The following ANKMY1 variants were observed in gnomAD, a reference collection of about 807,000 sequenced individuals.
ANKMY1 encodes the protein ankyrin repeat and MYND domain containing 1.
Under a neutral mutation model 102.0 loss-of-function variants are expected in ANKMY1, and 98 were observed. The observed-to-expected ratio is 0.96, with a 90% CI of 0.82 to 1.14. ANKMY1 has a LOEUF of 1.14. Ranked by LOEUF, ANKMY1 falls within the 50% of genes most tolerant of loss-of-function variation. ANKMY1 has a pLI of 0.00. For synonymous variants in ANKMY1, 582 were observed against 559.9 expected (o/e 1.04, Z -0.56); for missense variants, 1,330 against 1,347.6 (o/e 0.99, Z 0.20).
the ANKMY1 span, among the ~76,000 whole-genome samples, chr2:240,472,488 CCA>C: frequency 2.0e-5 from 3 of 152,226 alleles, no homozygotes; most frequent in African/African-American, 7.2e-5. Flanking sequence ...CTCCTTTTAA[CCA>C]CAGTCTGGGG....
At chr2:240,525,586 C>T in intron 7 of ANKMY1, 99 bp downstream of exon 7, 1 of 1,424,144 alleles carries the variant, frequency 7.0e-7, no homozygotes, top group South Asian at 1.4e-5. Context: ...CCTGTACAAG[C>T]CTGGTCCACA....
intron 17 of ANKMY1, among the ~76,000 whole-genome samples, chr2:240,480,567 G>C (rs2075263939): frequency 6.6e-6 from 1 of 152,218 alleles, no homozygotes; most frequent in Non-Finnish European, 1.5e-5. Context: ...CAGAGGCACT[G>C]GTGACCAGCA....
chr2:240,524,183 A>AC lies in ANKMY1; in HGVS notation c.1533dup (p.Ser512ValfsTer28), dbSNP rs768454536. The stretch of plus-strand genomic sequence containing the variant: ...AGAGAGCTGCTCCTGTGGTCTATGG[A>AC]CCCCCCACACTGCCCGGTGTCCTGG... On this transcript the variant is annotated frameshift_variant, in exon 8 of 18. Transcript: ENST00000401804. LOFTEE classifies it high-confidence loss of function. The AC allele has an allele frequency of 1.4e-4, 219 of 1,613,330 alleles. No individual in the cohort carries two copies. The highest frequency in any genetic ancestry group is 9.8e-4 in the African/African-American group (73 of 74,826).
chr2:240,560,854 G>T (rs991108921), upstream of ANKMY1: 1 of 1,390,374 alleles, frequency 7.2e-7, no homozygotes, highest in Non-Finnish European at 9.2e-7. Flanking sequence ...CAGCAGCCCG[G>T]CCCGCGCGCG....
At chr2:240,516,002 G>A (rs1481171517) in intron 9 of ANKMY1, among the ~76,000 whole-genome samples, 1 of 151,784 alleles carries the variant, frequency 6.6e-6, no homozygotes, top group Non-Finnish European at 1.5e-5. Flanking sequence ...GGGATTACAG[G>A]CAATAATAAA....
chr2:240,523,853 C>G (rs773481706), intron 8 of ANKMY1, 32 bp downstream of exon 8: 2 of 1,598,904 alleles, frequency 1.3e-6, no homozygotes, highest in Non-Finnish European at 1.7e-6. Context: ...GATGGTGGCC[C>G]TCCACCCCCA....
At chr2:240,478,948 G>A (rs1215303737), downstream of ANKMY1, among the ~76,000 whole-genome samples, 2 of 152,056 alleles carry the variant, frequency 1.3e-5, no homozygotes, top group African/African-American at 4.8e-5. Flanking sequence ...GCCCCTCACT[G>A]CGCATCTTCC....
intron 16 of ANKMY1, among the ~76,000 whole-genome samples, chr2:240,481,582 C>T (rs181638828): frequency 2.2e-4 from 34 of 152,316 alleles, no homozygotes; most frequent in Admixed American, 9.1e-4. Context: ...CCAGTCCCCT[C>T]TCCATCACCT....
chr2:240,521,491 C>CTTTTTTTT (rs1162330484), intron 8 of ANKMY1, among the ~76,000 whole-genome samples: 3 of 69,592 alleles, frequency 4.3e-5, no homozygotes, highest in Non-Finnish European at 7.9e-5. Flanking sequence ...GGTGTTACAG[C>CTTTTTTTT]TTTTTTTTTT....
chr2:240,469,098 GC>G, the ANKMY1 span, among the ~76,000 whole-genome samples: 34 of 152,208 alleles, frequency 2.2e-4, no homozygotes, highest in Non-Finnish European at 3.5e-4. Context: ...CTCATCAGCG[GC>G]TGTAGTTGTG....
Position 240,520,324 on chromosome 2 carries a change from C to T in ANKMY1, c.2004+38G>A. The stretch of plus-strand genomic sequence containing the variant: ...TTCCCGGCCAGTGCCCGGGAGTCTG[C>T]TGCGCTCGTCCCGGCGCCCGCCCGC... On this transcript the variant is annotated intron_variant, in intron 9 of 17. Transcript: ENST00000401804. The surrounding 1 kb of genome is among the most constrained non-coding windows in gnomAD (Gnocchi z 4.8). The T allele has an allele frequency of 2.7e-6, 4 of 1,507,136 alleles. No individual in the cohort carries two copies. The highest frequency in any genetic ancestry group is 1.9e-4 in the Middle Eastern group (1 of 5,228). The allele number at this position is 1,507,136 out of a possible 1,614,324, so 93.4% of individuals were successfully genotyped here. A position where few individuals can be genotyped will look rare whatever the true frequency, so the allele number is the denominator to read the frequency against.
intron 11 of ANKMY1, among the ~76,000 whole-genome samples, chr2:240,510,090 C>T (rs1401228316): frequency 7.1e-6 from 1 of 141,484 alleles, no homozygotes; most frequent in African/African-American, 2.7e-5. Flanking sequence ...CCCTGCCCCC[C>T]TGCTTCCCTG....
rs1361824832 is a variant in ANKMY1, at chr2:240,499,163, G to A, written c.2806+795C>T. Among the ~76,000 whole-genome samples the A allele has an allele frequency of 1.3e-5, 2 of 152,156 alleles. No individual in the cohort carries two copies. Among genetic ancestry groups the A allele is most frequent in the Admixed American group, 6.5e-5 (1 of 15,276 alleles). On this transcript the variant is annotated intron_variant, in intron 15 of 17. Transcript: ENST00000401804. This position sits in a 1 kb window ranked among gnomAD's most constrained non-coding sequence, Gnocchi z 4.2. ...GGAGGCTACTGCATGCTGAGGGCTC[G>A]GTGTGGGGGCGGGATCAGCAGGTTC... is the stretch of plus-strand genomic sequence containing the variant.
chr2:240,471,793 AG>A, the ANKMY1 span, among the ~76,000 whole-genome samples: 1 of 152,308 alleles, frequency 6.6e-6, no homozygotes, highest in South Asian at 2.1e-4. Flanking sequence ...TTAAGAGGGC[AG>A]GTTTGCACCC....
chr2:240,546,794 T>G (rs951044982), intron 4 of ANKMY1, among the ~76,000 whole-genome samples: 1 of 152,166 alleles, frequency 6.6e-6, no homozygotes, highest in African/African-American at 2.4e-5. Flanking sequence ...AGGGATCAAT[T>G]CGACAAGAAG....
intron 4 of ANKMY1, among the ~76,000 whole-genome samples, chr2:240,541,473 T>C (rs921382473): frequency 3.3e-5 from 5 of 152,064 alleles, no homozygotes; most frequent in African/African-American, 1.2e-4. Flanking sequence ...GAAAGCAAGA[T>C]TGAGTTCCAT....
At chr2:240,519,857 G>A (rs543465529) in intron 9 of ANKMY1, 2 of 245,100 alleles carry the variant, frequency 8.2e-6, no homozygotes, top group Admixed American at 4.8e-5. Context: ...GAAGCCGTCC[G>A]CTGGGAAAGG....
At chr2:240,471,621 G>A in the ANKMY1 span, among the ~76,000 whole-genome samples, 4 of 152,172 alleles carry the variant, frequency 2.6e-5, no homozygotes, top group South Asian at 6.2e-4. Context: ...CCAAGTGGAA[G>A]TAATGTCAGC....
chr2:240,527,663 C>CTG (rs1305206811), intron 5 of ANKMY1: 1 of 11,824 alleles, frequency 8.5e-5, no homozygotes. Context: ...GGTGGGTGGA[C>CTG]AAATGGGTAG....
Sources: allele counts gnomAD v4.1 joint callset (sites outside exome capture counted in the v4.1 genomes callset), GRCh38; gene constraint gnomAD v4.1.1; non-coding constraint Gnocchi (gnomAD v3.1); transcripts MANE v1.5; gene names NCBI Gene and HGNC (gene_info 2026-07-23, HGNC 2026-07-21).